The following SMYD2 variants were observed in gnomAD, a reference collection of about 807,000 sequenced individuals.
The protein encoded by SMYD2 is SET and MYND domain containing 2.
In SMYD2, 53 loss-of-function variants were observed where a neutral mutation model predicts 59.1. That is an observed-to-expected ratio of 0.90 (90% confidence interval 0.72 to 1.13). The LOEUF is 1.13. Among genes scored for constraint, SMYD2 ranks in the 50% most tolerant of loss-of-function variants. The pLI, the probability that SMYD2 is intolerant of heterozygous loss-of-function variation, is 0.00. For synonymous variants in SMYD2, 208 were observed against 198.8 expected, an observed-to-expected ratio of 1.05 and a Z score of -0.39; for missense variants, 494 against 544.7, an observed-to-expected ratio of 0.91 and a Z score of 0.93.
At chr1:214,308,889 C>T (rs1165270038) in intron 2 of SMYD2, among the ~76,000 whole-genome samples, 2 of 152,140 alleles carry the variant, frequency 1.3e-5, no homozygotes, top group Non-Finnish European at 2.9e-5. Context: ...AGTGAGGGCC[C>T]TCTAGGAAAG....
Position 214,299,465 on chromosome 1 carries a change from T to TATATATATATATATATATATATATATA in SMYD2, c.174-5722_174-5721insATATATATATATATATATATATATATA, listed in dbSNP as rs1553254476. Among the ~76,000 whole-genome samples the TATATATATATATATATATATATATATA allele has an allele frequency of 2.3e-3, 167 of 71,430 alleles. 2 individuals carry two copies. The highest frequency in any genetic ancestry group is 3.6e-3 in the Non-Finnish European group (122 of 34,014). The allele number at this position is 71,430 out of a possible 152,430, so 46.9% of individuals were successfully genotyped here. The stretch of plus-strand genomic sequence containing the variant: ...AACAGTGAACTGGATAAAGAAAACA[T>TATATATATATATATATATATATATATA]TATATATATATATATATACACCATA... On this transcript the variant is annotated intron_variant, in intron 1 of 11. Transcript: ENST00000366957.
Position 214,332,024 on chromosome 1 carries a change from G to A in SMYD2, c.944G>A (p.Ser315Asn). Residue 315 changes from serine to asparagine, a missense_variant, in exon 10 of 12, where the codon AGT (serine) becomes AAT (asparagine). Coordinates refer to ENST00000366957, the MANE Select transcript of SMYD2 (RefSeq NM_020197.3). The stretch of plus-strand genomic sequence containing the variant: ...TTCCTTGACTCCACAGCACCCCCTA[G>A]TGAGCTGCTGGAGATCTGCGAGCTC... ...FRRAKHYKSPSELLEICELSQ... is the reference protein window; with the variant it reads ...FRRAKHYKSPNELLEICELSQ... 2 of 1,612,800 alleles carry A rather than the reference G, an allele frequency of 1.2e-6. No homozygotes were observed. Among genetic ancestry groups the A allele is most frequent in the Non-Finnish European group, 1.7e-6 (2 of 1,179,808 alleles).
chr1:214,285,086 T>C lies in SMYD2; in HGVS notation c.173+3659T>C, dbSNP rs759265690. Among the ~76,000 whole-genome samples, 9 of 152,200 alleles carry C rather than the reference T, an allele frequency of 5.9e-5. 1 individual carries two copies. Among genetic ancestry groups the C allele is most frequent in the Middle Eastern group, 3.2e-3 (1 of 316 alleles). ...TAGAGCTGTTAGAACCCAGTTTCAG[T>C]GAATTTCGGTCATGTCTGGCTTAGA... On this transcript the variant is annotated intron_variant, in intron 1 of 11. Transcript: ENST00000366957.
chr1:214,311,037 C>T (rs955253836), intron 2 of SMYD2, among the ~76,000 whole-genome samples: 2 of 152,094 alleles, frequency 1.3e-5, no homozygotes, highest in Non-Finnish European at 2.9e-5. Context: ...TGAAATTTAA[C>T]CTGATTCTGC....
intron 1 of SMYD2, among the ~76,000 whole-genome samples, chr1:214,301,191 T>C (rs541986607): frequency 2.6e-5 from 4 of 152,326 alleles, no homozygotes; most frequent in African/African-American, 7.2e-5. Context: ...TATGTTTTAG[T>C]TGGATTATGT....
Position 214,281,318 on chromosome 1 carries a change from C to T in SMYD2, c.64C>T (p.Arg22Trp). 5 of 1,414,134 alleles carry T rather than the reference C, an allele frequency of 3.5e-6. No homozygotes were observed. Among genetic ancestry groups the T allele is most frequent in the Non-Finnish European group, 4.7e-6 (5 of 1,074,326 alleles). The allele number at this position is 1,414,134 out of a possible 1,614,324, so 87.6% of individuals were successfully genotyped here. Residue 22 changes from arginine to tryptophan, a missense_variant, in exon 1 of 12, where the codon CGG (arginine) becomes TGG (tryptophan). Transcript: ENST00000366957. ...CAGCCCGGGCAAAGGCCGGGGGCTG[C>T]GGGCTCTGCAGCCCTTCCAGGTGGG... ...FCSPGKGRGL[R>W]ALQPFQVGDL... is the part of the protein sequence containing the mutation.
Position 214,324,704 on chromosome 1 carries a change from C to A in SMYD2, c.598C>A (p.Pro200Thr). The A allele has an allele frequency of 6.2e-7, 1 of 1,612,012 alleles. No homozygotes were observed. Among genetic ancestry groups the A allele is most frequent in the Non-Finnish European group, 8.5e-7 (1 of 1,178,954 alleles). Reference protein sequence around the residue: ...ELSHLGSAIFPDVALMNHSCC... With the variant: ...ELSHLGSAIFTDVALMNHSCC... ...TTCTCATTTGGGATCAGCGATATTTCCTGAGTAGGCTGTGTTTGACTTCAT... is the reference window on the plus strand; with the variant it reads ...TTCTCATTTGGGATCAGCGATATTTACTGAGTAGGCTGTGTTTGACTTCAT... Residue 200 changes from proline to threonine, a missense_variant, in exon 6 of 12, where the codon CCT (proline) becomes ACT (threonine). Physicochemically the swap from Pro to Thr is conservative, Grantham distance 38. Coordinates refer to ENST00000366957, the MANE Select transcript of SMYD2 (RefSeq NM_020197.3).
chr1:214,297,423 T>C (rs558115400), intron 1 of SMYD2, among the ~76,000 whole-genome samples: 1 of 152,274 alleles, frequency 6.6e-6, no homozygotes, highest in East Asian at 1.9e-4. Context: ...TTTACGACTG[T>C]GTCTTTTGTA....
chr1:214,285,227 G>A (rs1344034004), intron 1 of SMYD2, among the ~76,000 whole-genome samples: 1 of 152,126 alleles, frequency 6.6e-6, no homozygotes, highest in Non-Finnish European at 1.5e-5. Context: ...ATTCTCTAGC[G>A]TATTCATCTT....
chr1:214,284,891 T>C (rs1656511854), intron 1 of SMYD2, among the ~76,000 whole-genome samples: 1 of 152,196 alleles, frequency 6.6e-6, no homozygotes, highest in Non-Finnish European at 1.5e-5. Flanking sequence ...TCCATCTAAA[T>C]ATTCATTCTA....
chr1:214,284,380 C>G (rs1194297331), intron 1 of SMYD2, among the ~76,000 whole-genome samples: 2 of 148,448 alleles, frequency 1.3e-5, no homozygotes, highest in Non-Finnish European at 3.0e-5. Flanking sequence ...TCTGCCTCAG[C>G]CTCCCGAGTA....
chr1:214,297,556 CCT>C (rs1002299515), intron 1 of SMYD2, among the ~76,000 whole-genome samples: 1 of 152,160 alleles, frequency 6.6e-6, no homozygotes, highest in African/African-American at 2.4e-5. Context: ...GGATCTCTCT[CCT>C]CTCTCAAGCA....
intron 9 of SMYD2, 151 bp downstream of exon 9, chr1:214,331,221 CA>C: frequency 9.0e-7 from 1 of 1,112,374 alleles, no homozygotes; most frequent in Admixed American, 2.6e-5. Flanking sequence ...GCGTACTGAC[CA>C]CCCACAATGT....
Position 214,281,221 on chromosome 1 carries a change from C to A in SMYD2, c.-34C>A. ...TAACAGCTCGCCGGGAGCCGCAGCTCGGGCACAGCCGGCGGCCGCGCCCCG... is the reference window on the plus strand; with the variant it reads ...TAACAGCTCGCCGGGAGCCGCAGCTAGGGCACAGCCGGCGGCCGCGCCCCG... On this transcript the variant is annotated 5_prime_UTR_variant, in exon 1 of 12. Coordinates refer to ENST00000366957, the MANE Select transcript of SMYD2 (RefSeq NM_020197.3). The A allele has an allele frequency of 8.2e-7, 1 of 1,223,502 alleles. No homozygotes were observed. Among genetic ancestry groups the A allele is most frequent in the South Asian group, 4.0e-5 (1 of 24,692 alleles). The allele number at this position is 1,223,502 out of a possible 1,614,324, so 75.8% of individuals were successfully genotyped here.
chr1:214,289,234 T>C (rs1656598634), intron 1 of SMYD2, among the ~76,000 whole-genome samples: 1 of 152,212 alleles, frequency 6.6e-6, no homozygotes, highest in South Asian at 2.1e-4. Context: ...CTTTTAGGAT[T>C]TGATATAGTG....
At chr1:214,305,318 A>C in intron 2 of SMYD2, 68 bp downstream of exon 2, 1 of 1,421,760 alleles carries the variant, frequency 7.0e-7, no homozygotes, top group Non-Finnish European at 1.0e-6. Context: ...TTGTCATGGC[A>C]TTCCTCAGCG....
Position 214,314,789 on chromosome 1 carries a change from G to C in SMYD2, c.265G>C (p.Glu89Gln). Residue 89 changes from glutamate (E) to glutamine (Q), a missense_variant, in exon 3 of 12, where the codon GAA becomes CAA. Coordinates refer to ENST00000366957, the MANE Select transcript of SMYD2 (RefSeq NM_020197.3). ...QKEDWPMHKL[E>Q]CSPMVVFGEN... ...AGAAGATTGGCCCATGCACAAGCTGGAATGTTCTCCCATGGTTGTTTTTGG... is the reference window on the plus strand; with the variant it reads ...AGAAGATTGGCCCATGCACAAGCTGCAATGTTCTCCCATGGTTGTTTTTGG... 6.2e-7 allele frequency: 1 copy of C among 1,614,098 alleles called. No homozygotes were observed. The highest frequency in any genetic ancestry group is 1.3e-5 in the African/African-American group (1 of 75,022).
In SMYD2 at chr1:214,305,241, G is replaced by A. The variant is rs1176896012; in HGVS notation, c.228G>A (p.Val76=). The A allele has an allele frequency of 1.2e-6, 2 of 1,614,204 alleles. No homozygotes were observed. The highest frequency in any genetic ancestry group is 1.7e-6 in the Non-Finnish European group (2 of 1,180,014). The stretch of plus-strand genomic sequence containing the variant: ...GCAAGCAGGCATTTTACTGCAATGT[G>A]GAGTGTCAGGTAGGTGCTGGGCCAT... ...GRCKQAFYCN[V]ECQKEDWPMH... The change falls in exon 2 of 12, where the codon GTG becomes GTA. Residue 76 remains valine, a synonymous_variant. Coordinates refer to ENST00000366957, the MANE Select transcript of SMYD2 (RefSeq NM_020197.3).
At chr1:214,288,464 C>G (rs953851627) in intron 1 of SMYD2, among the ~76,000 whole-genome samples, 2 of 152,160 alleles carry the variant, frequency 1.3e-5, no homozygotes, top group Non-Finnish European at 2.9e-5. Context: ...CCTGTGCCCC[C>G]CTTTGGCCTG....
Sources: allele counts gnomAD v4.1 joint callset (sites outside exome capture counted in the v4.1 genomes callset), GRCh38; gene constraint gnomAD v4.1.1; transcripts MANE v1.5; gene names NCBI Gene and HGNC (gene_info 2026-07-23, HGNC 2026-07-21).